CHMP3: variants seen among roughly 807,000 people sequenced by gnomAD.
The protein encoded by CHMP3 is 25.1 protein.
In CHMP3, 8 loss-of-function variants were observed where a neutral mutation model predicts 27.4. The ratio of observed to expected loss-of-function variants is 0.29; its 90% CI spans 0.17 to 0.53. The LOEUF is 0.53. Ranked by LOEUF, CHMP3 falls within the 20% of genes least tolerant of loss-of-function variation. The probability of loss-of-function intolerance (pLI) is 0.96; values close to 1 mark genes in which losing one functional copy is unlikely to be tolerated. For missense variants in CHMP3, 208 were observed against 271.5 expected, an observed-to-expected ratio of 0.77 and a Z score of 1.64; for synonymous variants, 86 against 85.5, an observed-to-expected ratio of 1.01 and a Z score of -0.03.
At position 86,510,338 on chromosome 2, in the gene CHMP3, C is replaced by A; in HGVS notation, c.408+20G>T. ...TGACTCTGGGGTTTGGAAAGGAAAGCAGGGCTAGCCCCAAGTCACCTTCAT... is the reference window on the plus strand; with the variant it reads ...TGACTCTGGGGTTTGGAAAGGAAAGAAGGGCTAGCCCCAAGTCACCTTCAT... On this transcript the variant is annotated intron_variant, in intron 4 of 5. Transcript: ENST00000263856. 6.2e-7 allele frequency: 1 copy of A among 1,612,812 alleles called. No individual in the cohort carries two copies. Among genetic ancestry groups the A allele is most frequent in the Non-Finnish European group, 8.5e-7 (1 of 1,179,230 alleles).
At chr2:86,543,364 T>G (rs575502962) in intron 1 of CHMP3, among the ~76,000 whole-genome samples, 1 of 152,240 alleles carries the variant, frequency 6.6e-6, no homozygotes, top group Admixed American at 6.5e-5. Flanking sequence ...GTCACTAGTG[T>G]ATTAAAAAAT....
intron 3 of CHMP3, among the ~76,000 whole-genome samples, chr2:86,517,789 G>T (rs1675374898): frequency 6.6e-6 from 1 of 152,094 alleles, no homozygotes; most frequent in Non-Finnish European, 1.5e-5. Context: ...AGCACTTTGA[G>T]AGACCCAGGC....
At chr2:86,534,832 A>C (rs1487808741) in intron 2 of CHMP3, among the ~76,000 whole-genome samples, 1 of 152,122 alleles carries the variant, frequency 6.6e-6, no homozygotes, top group African/African-American at 2.4e-5. Flanking sequence ...TTTTGCTTCC[A>C]ATCTATTTGT....
intron 3 of CHMP3, 84 bp from the exon 4 acceptor site, chr2:86,510,563 G>C: frequency 3.2e-6 from 5 of 1,557,202 alleles, no homozygotes; most frequent in Non-Finnish European, 3.5e-6. Flanking sequence ...TCCAATAAAT[G>C]ACAGCAGTAG....
In CHMP3 at chr2:86,552,715, A is replaced by C. The variant is rs139023534; in HGVS notation, c.46-10403T>G. 1.1e-4 allele frequency among the ~76,000 whole-genome samples: 16 copies of C among 152,338 alleles called. No homozygotes were observed. The East Asian group carries it at 3.1e-3, about 29-fold the overall frequency. ...CCTGATGTGATACACTATGAATCAC[A>C]CAGGTTACCTGTGAGGCATTCTTGC... On this transcript the variant is annotated intron_variant, in intron 1 of 5. Transcript: ENST00000263856.
rs1192756365 is a variant in CHMP3, at chr2:86,549,054, C to T, written c.46-6742G>A. The stretch of plus-strand genomic sequence containing the variant: ...CAGATGAAGGGCAGCCGGGCAGAGG[C>T]GCCCCCCACTTCCCAGACGGGGTGG... On this transcript the variant is annotated intron_variant, in intron 1 of 5. Coordinates refer to ENST00000263856, the MANE Select transcript of CHMP3 (RefSeq NM_016079.4). Among the ~76,000 whole-genome samples, 13 of 148,462 alleles carry T rather than the reference C, an allele frequency of 8.8e-5. No homozygotes were observed. The East Asian group carries it at 1.0e-3, about 12-fold the overall frequency.
At chr2:86,553,017 G>A (rs1676970392) in intron 1 of CHMP3, among the ~76,000 whole-genome samples, 3 of 142,678 alleles carry the variant, frequency 2.1e-5, no homozygotes, top group African/African-American at 2.6e-5. Context: ...CGGGGGTGGA[G>A]ATCGGGTGGG....
At chr2:86,521,609 G>A (rs189675664) in intron 3 of CHMP3, among the ~76,000 whole-genome samples, 1 of 151,900 alleles carries the variant, frequency 6.6e-6, no homozygotes, top group African/African-American at 2.4e-5. Flanking sequence ...CTTACCCTTG[G>A]CAACCAACAC....
At chr2:86,524,475 T>G (rs1248743715) in intron 3 of CHMP3, among the ~76,000 whole-genome samples, 2 of 152,214 alleles carry the variant, frequency 1.3e-5, no homozygotes, top group African/African-American at 4.8e-5. Context: ...ACGTATAAGC[T>G]TTTTGTCATT....
intron 1 of CHMP3, among the ~76,000 whole-genome samples, chr2:86,558,839 G>T: frequency 6.8e-6 from 1 of 147,542 alleles, no homozygotes; most frequent in Non-Finnish European, 1.5e-5. Context: ...CCTTCACTTG[G>T]CCTCTTAAGT....
At chr2:86,537,965 C>T (rs111742610) in intron 2 of CHMP3, among the ~76,000 whole-genome samples, 34 of 152,310 alleles carry the variant, frequency 2.2e-4, no homozygotes, top group African/African-American at 7.7e-4. Flanking sequence ...GATATCTGTA[C>T]ATCCATCTTC....
intron 1 of CHMP3, among the ~76,000 whole-genome samples, chr2:86,552,684 A>G (rs185364512): frequency 6.6e-6 from 1 of 152,326 alleles, no homozygotes; most frequent in Admixed American, 6.5e-5. Flanking sequence ...CAGACATTAT[A>G]TGCCTCCTGA....
intron 3 of CHMP3, among the ~76,000 whole-genome samples, chr2:86,526,447 A>G (rs565119119): frequency 6.6e-6 from 1 of 152,320 alleles, no homozygotes; most frequent in South Asian, 2.1e-4. Context: ...TAAATTAGTA[A>G]AGCTTCTTTG....
At position 86,503,707 on chromosome 2, in the gene CHMP3, A is replaced by G. The variant is rs1369911595; in HGVS notation, c.*2097T>C. 6.6e-6 allele frequency: 1 copy of G among 152,256 alleles called. No homozygotes were observed. Among genetic ancestry groups the G allele is most frequent in the African/African-American group, 2.4e-5 (1 of 41,470 alleles). 9.4% of individuals were successfully genotyped at this position (152,256 alleles called of 1,614,324 possible). On this transcript the variant is annotated 3_prime_UTR_variant, in exon 6 of 6. Coordinates refer to ENST00000263856, the MANE Select transcript of CHMP3 (RefSeq NM_016079.4). ...AAAGAAGCCAGTCTGAAAAGGCTAC[A>G]TACTATATGATTCCAATATGACATT...
chr2:86,525,313 A>G (rs1187832010), intron 3 of CHMP3, among the ~76,000 whole-genome samples: 1 of 152,214 alleles, frequency 6.6e-6, no homozygotes, highest in Non-Finnish European at 1.5e-5. Flanking sequence ...TCACATTAAC[A>G]ACGTAAATTT....
rs1400881768 is a variant in CHMP3, at chr2:86,504,067, A to G, written c.*1737T>C. 6.6e-6 allele frequency: 1 copy of G among 150,798 alleles called. No individual in the cohort carries two copies. The highest frequency in any genetic ancestry group is 1.5e-5 in the Non-Finnish European group (1 of 67,610). The allele number at this position is 150,798 out of a possible 1,614,324, so 9.3% of individuals were successfully genotyped here. ...CCTGCACATGTACCCCCTGAACCTA[A>G]TTTTTTTTTTAAAGTGGTTGCCAGG... On this transcript the variant is annotated 3_prime_UTR_variant, in exon 6 of 6. Coordinates refer to ENST00000263856, the MANE Select transcript of CHMP3 (RefSeq NM_016079.4).
At chr2:86,560,960 G>A (rs887251518) in intron 1 of CHMP3, among the ~76,000 whole-genome samples, 5 of 152,128 alleles carry the variant, frequency 3.3e-5, no homozygotes, top group African/African-American at 9.7e-5. Context: ...AACCACTCAT[G>A]GGAAATCTGC....
intron 1 of CHMP3, among the ~76,000 whole-genome samples, chr2:86,555,739 C>G (rs907728394): frequency 6.6e-6 from 1 of 152,036 alleles, no homozygotes; most frequent in African/African-American, 2.4e-5. Context: ...GCTCCATCCT[C>G]ACATTGCCTT....
At chr2:86,533,857 A>T (rs1286379242) in intron 2 of CHMP3, among the ~76,000 whole-genome samples, 1 of 151,976 alleles carries the variant, frequency 6.6e-6, no homozygotes, top group Admixed American at 6.6e-5. Context: ...CTTTTGCTGC[A>T]CCTTCTAACT....
Sources: gnomAD v4.1 joint callset for allele counts (sites outside exome capture counted in the v4.1 genomes callset) on GRCh38, gnomAD v4.1.1 for gene constraint, MANE v1.5 for transcripts, NCBI Gene and HGNC (gene_info 2026-07-23, HGNC 2026-07-21) for gene names.